CPEB2: variants seen among roughly 807,000 people sequenced by gnomAD.
CPEB2 encodes cytoplasmic polyadenylation element binding protein 2.
In CPEB2, 56 loss-of-function variants were observed where a neutral mutation model predicts 93.6. The observed-to-expected ratio is 0.60, with a 90% CI of 0.48 to 0.75. The LOEUF is 0.75. Ranked by LOEUF, CPEB2 falls within the 30% of genes least tolerant of loss-of-function variation. The pLI, the probability that CPEB2 is intolerant of heterozygous loss-of-function variation, is 0.00. For synonymous variants in CPEB2, 764 were observed against 586.3 expected, an observed-to-expected ratio of 1.30 and a Z score of -4.38; for missense variants, 1,579 against 1,395.1, an observed-to-expected ratio of 1.13 and a Z score of -2.10.
chr4:15,005,015 C>G (rs573411433), intron 1 of CPEB2: 2 of 152,134 alleles, frequency 1.3e-5, no homozygotes, highest in East Asian at 1.9e-4. Context: ...TCAGTCGAGC[C>G]GCTCCCAAAG....
chr4:15,021,265 A>G (rs1724780309), intron 4 of CPEB2, among the ~76,000 whole-genome samples: 1 of 152,120 alleles, frequency 6.6e-6, no homozygotes. Context: ...TCTGGTGACT[A>G]TCTTGATTCT....
chr4:15,050,092 C>T (rs1432971342), intron 6 of CPEB2, among the ~76,000 whole-genome samples: 1 of 152,180 alleles, frequency 6.6e-6, no homozygotes, highest in East Asian at 1.9e-4. Context: ...AGATACCCAA[C>T]ATAAAACCGA....
rs1453703835 is a variant in CPEB2, at chr4:15,003,081, C to T, written c.408C>T (p.Pro136=). 29 of 1,531,642 alleles carry T rather than the reference C, an allele frequency of 1.9e-5. No individual in the cohort carries two copies. The highest frequency in any genetic ancestry group is 2.3e-5 in the Non-Finnish European group (26 of 1,145,560). The allele number at this position is 1,531,642 out of a possible 1,614,324, so 94.9% of individuals were successfully genotyped here. The change falls in exon 1 of 12, where the codon CCC becomes CCT. Residue 136 remains proline (P), a synonymous_variant. Coordinates refer to ENST00000538197, the MANE Select transcript of CPEB2 (RefSeq NM_001177382.2). The stretch of plus-strand genomic sequence containing the variant: ...TCGCGGGTGTGACCCACCTCCTCCC[C>T]TCCCAGGACTTCAAACCGAGTCTGC... ...GTIAGVTHLL[P]SQDFKPSLHH... is the part of the protein sequence containing the mutation.
chr4:15,054,345 G>C, intron 8 of CPEB2, 128 bp downstream of exon 8: 1 of 693,720 alleles, frequency 1.4e-6, no homozygotes, highest in Non-Finnish European at 2.5e-6. Flanking sequence ...CATAGACTCA[G>C]ATCAACAAAT....
chr4:15,061,772 T>C (rs1729210129), intron 10 of CPEB2, among the ~76,000 whole-genome samples: 1 of 143,364 alleles, frequency 7.0e-6, no homozygotes. Flanking sequence ...GTGTATGGGA[T>C]CTAGTATGCA....
intron 5 of CPEB2, among the ~76,000 whole-genome samples, chr4:15,036,424 G>C (rs1726618653): frequency 6.6e-6 from 1 of 152,072 alleles, no homozygotes; most frequent in Non-Finnish European, 1.5e-5. Flanking sequence ...GAATTGTGTA[G>C]ATTGTTTTAA....
intron 4 of CPEB2, among the ~76,000 whole-genome samples, chr4:15,020,495 TTA>T (rs1423903041): frequency 2.6e-5 from 4 of 152,166 alleles, no homozygotes; most frequent in Non-Finnish European, 5.9e-5. Context: ...ACCTTCCCTC[TTA>T]TCCTTGTTTA....
intron 10 of CPEB2, 65 bp from the exon 11 acceptor site, chr4:15,062,014 G>T: frequency 2.2e-6 from 3 of 1,393,690 alleles, no homozygotes; most frequent in Non-Finnish European, 2.9e-6. Flanking sequence ...TTTACAAAAA[G>T]TACTTAAAAA....
At chr4:15,064,669 G>A (rs922575988) in intron 11 of CPEB2, among the ~76,000 whole-genome samples, 8 of 151,956 alleles carry the variant, frequency 5.3e-5, no homozygotes, top group Admixed American at 1.3e-4. Context: ...TTTCTACTTC[G>A]TGCTAGATAT....
rs1218071930 is a variant in CPEB2, at chr4:15,067,863, TC to T, written c.*1484del. 1 of 152,426 alleles carries T rather than the reference TC, an allele frequency of 6.6e-6. No individual in the cohort carries two copies. The highest frequency in any genetic ancestry group is 1.5e-5 in the Non-Finnish European group (1 of 67,916). 9.4% of individuals were successfully genotyped at this position (152,426 alleles called of 1,614,324 possible). A position where few individuals can be genotyped will look rare whatever the true frequency, so the allele number is the denominator to read the frequency against. On this transcript the variant is annotated 3_prime_UTR_variant, in exon 12 of 12. Transcript: ENST00000538197. ...TTGAGAATTGCTTTTTTGAAAATTT[TC>T]ATGAAGGAATTTTGGTAATGACTTT...
intron 2 of CPEB2, 41 bp from the exon 3 acceptor site, chr4:15,008,297 A>G: frequency 7.0e-7 from 1 of 1,428,730 alleles, no homozygotes; most frequent in South Asian, 1.1e-5. Flanking sequence ...TATGGGGAAG[A>G]CAACTGCTCA....
chr4:15,047,752 C>T (rs1444145117), intron 6 of CPEB2, among the ~76,000 whole-genome samples: 2 of 151,832 alleles, frequency 1.3e-5, no homozygotes, highest in African/African-American at 4.8e-5. Context: ...TGTTGTACCT[C>T]CAGTAGTACA....
At position 15,062,155 on chromosome 4, in the gene CPEB2, A is replaced by G. The variant is rs554286363; in HGVS notation, c.2772A>G (p.Lys924=). The change falls in exon 11 of 12, where the codon AAA becomes AAG. Residue 924 remains lysine (K), a synonymous_variant. Coordinates refer to ENST00000538197, the MANE Select transcript of CPEB2 (RefSeq NM_001177382.2). Reference sequence around the variant, plus strand: ...GAATTGATACAGATCCTGAGCTAAAATACCCAAAAGGTGCTGGGCGAGTTG... The same window carrying G: ...GAATTGATACAGATCCTGAGCTAAAGTACCCAAAAGGTGCTGGGCGAGTTG... ...YAGIDTDPEL[K]YPKGAGRVAF... 5.0e-6 allele frequency: 8 copies of G among 1,612,998 alleles called. No individual in the cohort carries two copies. In the East Asian group the frequency reaches 1.8e-4, roughly 36 times the overall value.
chr4:15,041,373 G>A (rs1346580107), intron 6 of CPEB2, among the ~76,000 whole-genome samples: 2 of 151,818 alleles, frequency 1.3e-5, no homozygotes, highest in East Asian at 3.9e-4. Flanking sequence ...AAGCCATAGA[G>A]GATAGACAGG....
intron 3 of CPEB2, among the ~76,000 whole-genome samples, chr4:15,011,737 A>C (rs12512141): frequency 0.099 from 15,080 of 152,248 alleles, 1,551 homozygotes; most frequent in African/African-American, 0.25. Flanking sequence ...GGTTATTATT[A>C]CTTACAAGTT....
chr4:15,022,769 A>G (rs1281469014), intron 4 of CPEB2, among the ~76,000 whole-genome samples: 3 of 152,090 alleles, frequency 2.0e-5, no homozygotes, highest in Admixed American at 6.6e-5. Flanking sequence ...CCCTTCCACT[A>G]CTAAGAATTG....
intron 3 of CPEB2, among the ~76,000 whole-genome samples, chr4:15,016,886 G>A (rs1724213772): frequency 6.6e-6 from 1 of 151,844 alleles, no homozygotes; most frequent in African/African-American, 2.4e-5. Context: ...TAAGATTTCA[G>A]GAAACTTTAT....
intron 3 of CPEB2, 93 bp downstream of exon 3, chr4:15,008,520 C>G: frequency 4.0e-6 from 3 of 754,392 alleles, no homozygotes; most frequent in Non-Finnish European, 4.2e-6. Flanking sequence ...CTTATTATAC[C>G]TATTGAAACA....
intron 3 of CPEB2, among the ~76,000 whole-genome samples, chr4:15,014,608 T>C (rs1255102996): frequency 2.6e-5 from 4 of 152,098 alleles, no homozygotes; most frequent in African/African-American, 9.7e-5. Flanking sequence ...CTGAGAAAGT[T>C]TTATAGTCCT....
Sources: allele counts gnomAD v4.1 joint callset (sites outside exome capture counted in the v4.1 genomes callset), GRCh38; gene constraint gnomAD v4.1.1; transcripts MANE v1.5; gene names NCBI Gene and HGNC (gene_info 2026-07-23, HGNC 2026-07-21).